CFAP47: variants seen among roughly 807,000 people sequenced by gnomAD.
CFAP47 encodes the protein cilia and flagella associated protein 47, also known as cilia- and flagella-associated protein 47.
CFAP47 carries 29 observed loss-of-function variants against 148.1 expected under a neutral mutation model. The observed-to-expected ratio is 0.20, with a 90% confidence interval of 0.15 to 0.27. The LOEUF (loss-of-function observed/expected upper bound fraction) is 0.27. Among genes scored for constraint, CFAP47 ranks in the 10% least tolerant of loss-of-function variants. CFAP47 has a pLI of 1.00. For synonymous variants in CFAP47, 664 were observed against 577.3 expected, an observed-to-expected ratio of 1.15 and a Z score of -2.15; for missense variants, 1,872 against 1,697.5, an observed-to-expected ratio of 1.10 and a Z score of -1.81.
At chrX:36,176,868 C>A (rs955425778) in intron 39 of CFAP47, among the ~76,000 whole-genome samples, 1 of 112,203 alleles carries the variant, frequency 8.9e-6, no homozygotes, top group Non-Finnish European at 1.9e-5. Flanking sequence ...TGTGCCATTG[C>A]ATTCCAGCCT....
intron 33 of CFAP47, among the ~76,000 whole-genome samples, chrX:36,114,987 T>C (rs1426884647): frequency 8.9e-6 from 1 of 111,838 alleles, no homozygotes; most frequent in Non-Finnish European, 1.9e-5. Context: ...GGTGACTCTG[T>C]CTGCTTCTTT....
Position 35,967,752 on chromosome X carries a change from G to A in CFAP47, c.1734G>A (p.Glu578=). The change falls in exon 10 of 64, where the codon GAG becomes GAA. Residue 578 remains glutamate (E), a synonymous_variant. Coordinates refer to ENST00000378653, the MANE Select transcript of CFAP47 (RefSeq NM_001304548.2). ...CTCACAATCATCGCTCATGTGAAGAGCCAGTGAAGGATATGCTATTAGCCT... is the reference window on the plus strand; with the variant it reads ...CTCACAATCATCGCTCATGTGAAGAACCAGTGAAGGATATGCTATTAGCCT... The part of the protein sequence containing the change: ...TRTHNHRSCE[E]PVKDMLLAFP... 8.3e-7 allele frequency: 1 copy of A among 1,209,175 alleles called. No individual in the cohort carries two copies. The highest frequency in any genetic ancestry group is 1.1e-6 in the Non-Finnish European group (1 of 893,994).
chrX:36,352,267 A>G (rs1379995041), intron 59 of CFAP47, among the ~76,000 whole-genome samples: 1 of 111,334 alleles, frequency 9.0e-6, no homozygotes, highest in African/African-American at 3.3e-5. Flanking sequence ...TTGATACCGA[A>G]GATAGTTATA....
chrX:35,954,491 G>C (rs1936215349), intron 7 of CFAP47, among the ~76,000 whole-genome samples: 1 of 111,222 alleles, frequency 9.0e-6, no homozygotes, highest in Admixed American at 9.6e-5. Flanking sequence ...TATTTATATT[G>C]TGTTTTGTGA....
Position 36,132,078 on chromosome X carries a change from AATT to A in CFAP47, c.5321-5874_5321-5872del, listed in dbSNP as rs1023392425. ...TCATCTAACATAAAATTCATGTGAC[AATT>A]ATTATATTCAGAATAAGTAAATTGA... On this transcript the variant is annotated intron_variant, in intron 33 of 63. Coordinates refer to ENST00000378653, the MANE Select transcript of CFAP47 (RefSeq NM_001304548.2). Among the ~76,000 whole-genome samples, 10 of 111,403 alleles carry A rather than the reference AATT, an allele frequency of 9.0e-5. No homozygotes were observed. The South Asian group carries it at 1.8e-3, about 21-fold the overall frequency.
intron 46 of CFAP47, among the ~76,000 whole-genome samples, chrX:36,230,960 A>G (rs1448101666): frequency 9.6e-6 from 1 of 103,990 alleles, no homozygotes; most frequent in Non-Finnish European, 1.9e-5. Context: ...GTTCTGTTCC[A>G]TTGATCAATA....
intron 30 of CFAP47, among the ~76,000 whole-genome samples, chrX:36,093,797 T>G (rs1184155862): frequency 1.8e-5 from 2 of 111,551 alleles, no homozygotes; most frequent in Non-Finnish European, 3.8e-5. Context: ...TATCAACCCT[T>G]GACAGATGGG....
At chrX:36,024,764 T>C (rs1303589571) in intron 22 of CFAP47, among the ~76,000 whole-genome samples, 1 of 111,363 alleles carries the variant, frequency 9.0e-6, no homozygotes, top group African/African-American at 3.3e-5. Context: ...TTGGAACAGG[T>C]GATGTCAGTG....
chrX:36,366,736 C>T (rs973314482), intron 61 of CFAP47, among the ~76,000 whole-genome samples: 1 of 110,663 alleles, frequency 9.0e-6, no homozygotes, highest in Non-Finnish European at 1.9e-5. Context: ...AGATAAGACA[C>T]CCTAAAAATA....
intron 39 of CFAP47, among the ~76,000 whole-genome samples, chrX:36,162,218 T>C (rs1234813519): frequency 2.7e-5 from 3 of 112,212 alleles, no homozygotes; most frequent in Non-Finnish European, 5.6e-5. Flanking sequence ...TGTGGTTTGA[T>C]AGGAAGCAAA....
At chrX:36,308,761 T>C (rs1941370648) in intron 55 of CFAP47, among the ~76,000 whole-genome samples, 1 of 111,055 alleles carries the variant, frequency 9.0e-6, no homozygotes, top group Non-Finnish European at 1.9e-5. Flanking sequence ...ATGGCTGTTC[T>C]TATAGGGTAA....
chrX:36,143,231 G>A (rs918458176), intron 35 of CFAP47, among the ~76,000 whole-genome samples: 3 of 111,781 alleles, frequency 2.7e-5, no homozygotes, highest in Non-Finnish European at 5.6e-5. Context: ...AGGCACCTTC[G>A]TTGGTAAGCC....
intron 39 of CFAP47, among the ~76,000 whole-genome samples, chrX:36,176,283 T>C (rs960438902): frequency 1.7e-4 from 19 of 112,465 alleles, no homozygotes; most frequent in African/African-American, 6.1e-4. Context: ...CGCTCGGAGC[T>C]GTAGACCGGA....
At chrX:35,937,531 T>C (rs1332555911) in intron 2 of CFAP47, among the ~76,000 whole-genome samples, 2 of 110,474 alleles carry the variant, frequency 1.8e-5, no homozygotes, top group Non-Finnish European at 3.8e-5. Context: ...TCAGGGTTTA[T>C]AGTTGTGTTT....
chrX:36,274,267 G>C (rs1351124449), intron 49 of CFAP47, among the ~76,000 whole-genome samples: 1 of 111,765 alleles, frequency 8.9e-6, no homozygotes, highest in Non-Finnish European at 1.9e-5. Flanking sequence ...TGGAAAATAT[G>C]TACTTTTAAT....
intron 33 of CFAP47, among the ~76,000 whole-genome samples, chrX:36,107,633 A>G (rs1178906578): frequency 1.8e-5 from 2 of 112,038 alleles, no homozygotes; most frequent in African/African-American, 6.5e-5. Context: ...TCCCTTGAGG[A>G]TATAATTAAC....
chrX:36,037,568 C>T (rs1159146521), intron 24 of CFAP47, among the ~76,000 whole-genome samples: 2 of 110,943 alleles, frequency 1.8e-5, no homozygotes, highest in Non-Finnish European at 1.9e-5. Context: ...GCTTAAAATG[C>T]CTTTATAAAT....
chrX:36,376,512 G>C (rs1315162640), intron 62 of CFAP47, among the ~76,000 whole-genome samples: 1 of 111,927 alleles, frequency 8.9e-6, no homozygotes, highest in Non-Finnish European at 1.9e-5. Flanking sequence ...TTTCCCTACA[G>C]AGAAGCCAGA....
intron 39 of CFAP47, among the ~76,000 whole-genome samples, chrX:36,162,320 A>T (rs768740825): frequency 9.0e-6 from 1 of 111,694 alleles, no homozygotes; most frequent in African/African-American, 3.2e-5. Context: ...ATATAAAACC[A>T]ATTTCAAAAT....
Sources: allele counts gnomAD v4.1 joint callset (sites outside exome capture counted in the v4.1 genomes callset), GRCh38; gene constraint gnomAD v4.1.1; transcripts MANE v1.5; gene names NCBI Gene and HGNC (gene_info 2026-07-23, HGNC 2026-07-21).